The following CUL5 variants were observed in gnomAD, a reference collection of about 807,000 sequenced individuals.
The protein encoded by CUL5 is cullin 5.
Under a neutral mutation model 108.8 loss-of-function variants are expected in CUL5, and 26 were observed. The ratio of observed to expected loss-of-function variants is 0.24; its 90% CI spans 0.18 to 0.33. The LOEUF (loss-of-function observed/expected upper bound fraction) is 0.33, where lower values mean the gene tolerates loss of function less well. Among genes scored for constraint, CUL5 ranks in the 10% least tolerant of loss-of-function variants. The pLI, the probability that CUL5 is intolerant of heterozygous loss-of-function variation, is 1.00. For synonymous variants in CUL5, 334 were observed against 298.0 expected, an observed-to-expected ratio of 1.12 and a Z score of -1.25; for missense variants, 524 against 909.2, an observed-to-expected ratio of 0.58 and a Z score of 5.45.
At chr11:108,013,715 A>G (rs1159855201) in intron 1 of CUL5, among the ~76,000 whole-genome samples, 2 of 152,178 alleles carry the variant, frequency 1.3e-5, no homozygotes, top group African/African-American at 4.8e-5. Context: ...TACTTTTCTC[A>G]GTGGACTTTT....
chr11:108,079,811 C>G (rs987627982), intron 11 of CUL5, among the ~76,000 whole-genome samples: 2 of 152,158 alleles, frequency 1.3e-5, no homozygotes, highest in African/African-American at 2.4e-5. Flanking sequence ...TTAGTTTTGC[C>G]TAATCTAGGA....
rs902188357 is a variant in CUL5 at position 108,094,533 on chromosome 11, A to C, written c.1567+19A>C. 3.2e-6 allele frequency: 4 copies of C among 1,238,672 alleles called. No individual in the cohort carries two copies. The highest frequency in any genetic ancestry group is 4.5e-6 in the Non-Finnish European group (4 of 896,766). The allele number at this position is 1,238,672 out of a possible 1,614,324, so 76.7% of individuals were successfully genotyped here. A position where few individuals can be genotyped will look rare whatever the true frequency, so the allele number is the denominator to read the frequency against. ...TTACCAGGTATTATTTTATAATTAC[A>C]TGTATATATTTTTTAAACTTAGAAG... On this transcript the variant is annotated intron_variant, in intron 14 of 18. Coordinates refer to ENST00000393094, the MANE Select transcript of CUL5 (RefSeq NM_003478.6).
In CUL5 at chr11:108,098,117, C is replaced by T. The variant is rs183013657; in HGVS notation, c.2025-289C>T. ...ACCCAGTTAGGCAATAACACTGAAT[C>T]CTAACCCATATATCTTCAATTAGCT... On this transcript the variant is annotated intron_variant, in intron 17 of 18. Transcript: ENST00000393094. 6.6e-5 allele frequency among the ~76,000 whole-genome samples: 10 copies of T among 152,134 alleles called. No homozygotes were observed. The East Asian group carries it at 1.9e-3, about 29-fold the overall frequency.
At chr11:108,049,462 C>T (rs1344010393) in intron 3 of CUL5, among the ~76,000 whole-genome samples, 1 of 152,006 alleles carries the variant, frequency 6.6e-6, no homozygotes, top group East Asian at 1.9e-4. Context: ...CCACCTCAAC[C>T]TCCTAAGTAG....
At position 108,094,809 on chromosome 11, in the gene CUL5, T is replaced by C; in HGVS notation, c.1568-3T>C. Reference sequence around the variant, plus strand: ...TTTATATTCCTGATATTCTTCTCTATAGCTGATTCAGTTAATATAAAAATT... The same window carrying C: ...TTTATATTCCTGATATTCTTCTCTACAGCTGATTCAGTTAATATAAAAATT... On this transcript the variant is annotated splice_polypyrimidine_tract_variant and splice_region_variant and intron_variant, in intron 14 of 18. Coordinates refer to ENST00000393094, the MANE Select transcript of CUL5 (RefSeq NM_003478.6). 2.5e-6 allele frequency: 4 copies of C among 1,585,564 alleles called. No individual in the cohort carries two copies. Among genetic ancestry groups the C allele is most frequent in the Non-Finnish European group, 3.4e-6 (4 of 1,167,146 alleles).
chr11:108,057,814 T>C (rs1863424604), intron 7 of CUL5, among the ~76,000 whole-genome samples: 1 of 152,206 alleles, frequency 6.6e-6, no homozygotes. Flanking sequence ...TTTCCTGGTT[T>C]TGATAGTTGT....
intron 10 of CUL5, among the ~76,000 whole-genome samples, chr11:108,076,671 T>G (rs1863948819): frequency 6.6e-6 from 1 of 152,186 alleles, no homozygotes; most frequent in Admixed American, 6.5e-5. Flanking sequence ...ATGCAGTGAA[T>G]GTGGGAGTGC....
rs1232045418 is a variant in CUL5 at position 108,078,122 on chromosome 11, TTATCTG to T, written c.1114-50_1114-45del. ...TATGTGTTTTGGGATGTATAAAAAT[TTATCTG>T]TATATTTTCAATATTAAAAATATTT... On this transcript the variant is annotated intron_variant, in intron 10 of 18. Transcript: ENST00000393094. 8 of 1,043,564 alleles carry T rather than the reference TTATCTG, an allele frequency of 7.7e-6. No homozygotes were observed. The African/African-American group carries it at 1.4e-4, about 18-fold the overall frequency. 64.6% of individuals were successfully genotyped at this position (1,043,564 alleles called of 1,614,324 possible). A position where few individuals can be genotyped will look rare whatever the true frequency, so the allele number is the denominator to read the frequency against.
At position 108,074,667 on chromosome 11, in the gene CUL5, G is replaced by A. The variant is rs920802004; in HGVS notation, c.1113+1170G>A. Among the ~76,000 whole-genome samples, 5 of 151,996 alleles carry A rather than the reference G, an allele frequency of 3.3e-5. 1 individual carries two copies. In the South Asian group the frequency reaches 8.3e-4, roughly 25 times the overall value. ...TAAAAATACGAAAAATTAGCTGGAC[G>A]TGGTGGTACATGCGTGTAATTCCAG... On this transcript the variant is annotated intron_variant, in intron 10 of 18. Coordinates refer to ENST00000393094, the MANE Select transcript of CUL5 (RefSeq NM_003478.6).
intron 1 of CUL5, among the ~76,000 whole-genome samples, chr11:108,032,884 T>C (rs1029551236): frequency 2.6e-5 from 4 of 152,120 alleles, no homozygotes; most frequent in East Asian, 3.8e-4. Flanking sequence ...TTTCAGAGTT[T>C]ACATAGATTT....
Position 108,009,314 on chromosome 11 carries a change from C to A in CUL5, c.-35C>A, listed in dbSNP as rs530106522. 3.7e-6 allele frequency: 6 copies of A among 1,609,520 alleles called. No homozygotes were observed. Among genetic ancestry groups the A allele is most frequent in the Non-Finnish European group, 5.1e-6 (6 of 1,178,028 alleles). On this transcript the variant is annotated 5_prime_UTR_variant, in exon 1 of 19. Transcript: ENST00000393094. The stretch of plus-strand genomic sequence containing the variant: ...GGCCTGGCCGGGAGCGCCACGAATT[C>A]TCGCGTCGTCTCGCGAGAGTCCAAG...
chr11:108,065,900 TA>T (rs1387578056), intron 7 of CUL5, among the ~76,000 whole-genome samples: 1 of 152,232 alleles, frequency 6.6e-6, no homozygotes, highest in East Asian at 1.9e-4. Context: ...TATTTTTTAT[TA>T]TTTTTTTTAG....
chr11:108,069,986 T>C (rs1407635516), intron 7 of CUL5, 110 bp from the exon 8 acceptor site: 8 of 615,994 alleles, frequency 1.3e-5, no homozygotes, highest in Non-Finnish European at 2.3e-5. Flanking sequence ...TGAAATCTAC[T>C]TTCAGTATAA....
At chr11:108,027,517 C>A (rs972207052) in intron 1 of CUL5, among the ~76,000 whole-genome samples, 1 of 152,102 alleles carries the variant, frequency 6.6e-6, no homozygotes. Context: ...AGTCATCCAC[C>A]CACCCCGGCC....
intron 4 of CUL5, among the ~76,000 whole-genome samples, chr11:108,050,456 T>C (rs1565246802): frequency 1.3e-5 from 2 of 151,996 alleles, no homozygotes; most frequent in Non-Finnish European, 2.9e-5. Context: ...AACCTCCGCC[T>C]CCTGTGTTCA....
chr11:108,014,655 G>A (rs1246660983), intron 1 of CUL5, among the ~76,000 whole-genome samples: 2 of 152,170 alleles, frequency 1.3e-5, no homozygotes, highest in Non-Finnish European at 2.9e-5. Context: ...CATAGCAGGA[G>A]TAATTAAGTC....
intron 4 of CUL5, 74 bp from the exon 5 acceptor site, chr11:108,052,586 T>G: frequency 1.5e-6 from 2 of 1,366,350 alleles, no homozygotes; most frequent in Non-Finnish European, 2.0e-6. Context: ...TGATTTCCTT[T>G]TTTGGTGTTT....
intron 4 of CUL5, 46 bp from the exon 5 acceptor site, chr11:108,052,614 T>C: frequency 6.6e-7 from 1 of 1,522,092 alleles, no homozygotes; most frequent in South Asian, 1.2e-5. Flanking sequence ...ATACTTTGTA[T>C]ATTAATAATT....
chr11:108,096,946 G>A (rs1378999959), intron 16 of CUL5, among the ~76,000 whole-genome samples: 1 of 152,082 alleles, frequency 6.6e-6, no homozygotes, highest in East Asian at 1.9e-4. Context: ...TCTGTTTGAG[G>A]ACTTGTAGAT....
Sources: gnomAD v4.1 joint callset for allele counts (sites outside exome capture counted in the v4.1 genomes callset) on GRCh38, gnomAD v4.1.1 for gene constraint, MANE v1.5 for transcripts, NCBI Gene and HGNC (gene_info 2026-07-23, HGNC 2026-07-21) for gene names.